RNF220: variants seen among roughly 807,000 people sequenced by gnomAD.
RNF220 encodes E3 ubiquitin-protein ligase RNF220.
Under a neutral mutation model 67.1 loss-of-function variants are expected in RNF220, and 7 were observed. That is an observed-to-expected ratio of 0.10 (90% CI 0.06 to 0.20). The LOEUF (loss-of-function observed/expected upper bound fraction) is 0.20. RNF220 is among the 10% of genes least tolerant of loss of function. The probability of loss-of-function intolerance (pLI) is 1.00; values close to 1 mark genes in which losing one functional copy is unlikely to be tolerated. For missense variants in RNF220, 565 were observed against 740.3 expected (o/e 0.76, Z 2.75); for synonymous variants, 270 against 283.2 (o/e 0.95, Z 0.47).
intron 2 of RNF220, among the ~76,000 whole-genome samples, chr1:44,605,613 A>G (rs1341998963): frequency 1.3e-5 from 2 of 152,242 alleles, no homozygotes; most frequent in Non-Finnish European, 2.9e-5. Flanking sequence ...GAATCATAAC[A>G]GGCAATAATG....
At chr1:44,534,971 T>C (rs1273736491) in intron 2 of RNF220, among the ~76,000 whole-genome samples, 2 of 152,156 alleles carry the variant, frequency 1.3e-5, no homozygotes, top group Admixed American at 6.6e-5. Flanking sequence ...AAGGGGGAGC[T>C]ATTGAGTTGT....
intron 2 of RNF220, among the ~76,000 whole-genome samples, chr1:44,505,619 G>A (rs913777151): frequency 1.3e-5 from 2 of 152,302 alleles, no homozygotes; most frequent in African/African-American, 4.8e-5. Context: ...TATTAGGAAC[G>A]GGTTAAGGTA....
chr1:44,576,626 T>C (rs1460729529), intron 2 of RNF220, among the ~76,000 whole-genome samples: 1 of 151,776 alleles, frequency 6.6e-6, no homozygotes, highest in Non-Finnish European at 1.5e-5. Context: ...ATTTGCCTTG[T>C]AAACAGCTGA....
At chr1:44,558,288 G>GC (rs1663278636) in intron 2 of RNF220, among the ~76,000 whole-genome samples, 1 of 152,164 alleles carries the variant, frequency 6.6e-6, no homozygotes, top group African/African-American at 2.4e-5. Context: ...AACATCTATG[G>GC]CCCAGCCCCC....
Position 44,465,129 on chromosome 1 carries a change from G to A in RNF220, c.625+52407G>A, listed in dbSNP as rs112351751. Reference sequence around the variant, plus strand: ...AGATGGGGTTTCAGTTCAAGTCTGCGTGACCTGAAAACCCATACTGTTTCT... The same window carrying A: ...AGATGGGGTTTCAGTTCAAGTCTGCATGACCTGAAAACCCATACTGTTTCT... On this transcript the variant is annotated intron_variant, in intron 2 of 14. Transcript: ENST00000361799. 2.5e-3 allele frequency among the ~76,000 whole-genome samples: 387 copies of A among 152,134 alleles called. 2 individuals are homozygous for A. The highest frequency in any genetic ancestry group is 8.5e-3 in the African/African-American group (354 of 41,486).
chr1:44,482,354 G>A (rs549716497), intron 2 of RNF220, among the ~76,000 whole-genome samples: 9 of 152,310 alleles, frequency 5.9e-5, no homozygotes, highest in African/African-American at 2.2e-4. Flanking sequence ...AGGAGGGGTG[G>A]AGGGCAGTTG....
chr1:44,458,880 A>G (rs777417913), intron 2 of RNF220, among the ~76,000 whole-genome samples: 1 of 152,244 alleles, frequency 6.6e-6, no homozygotes, highest in African/African-American at 2.4e-5. Context: ...TAACTGGAAC[A>G]TATTACAGCT....
At chr1:44,445,218 T>C (rs2147910727) in intron 2 of RNF220, among the ~76,000 whole-genome samples, 1 of 152,346 alleles carries the variant, frequency 6.6e-6, no homozygotes, top group South Asian at 2.1e-4. Context: ...TCTTTCCTAA[T>C]TTCTTCATGT....
At chr1:44,546,184 G>A (rs531558587) in intron 2 of RNF220, among the ~76,000 whole-genome samples, 62 of 152,242 alleles carry the variant, frequency 4.1e-4, no homozygotes. Flanking sequence ...CGTGGGAGGA[G>A]AAGCTGGCGA....
At chr1:44,439,816 T>A (rs565665768) in intron 2 of RNF220, among the ~76,000 whole-genome samples, 8 of 152,228 alleles carry the variant, frequency 5.3e-5, no homozygotes, top group Admixed American at 2.0e-4. Flanking sequence ...AGATGAGAGG[T>A]ACCAAGACCT....
chr1:44,625,187 T>G (rs1643904318), intron 4 of RNF220, among the ~76,000 whole-genome samples: 1 of 152,220 alleles, frequency 6.6e-6, no homozygotes, highest in Non-Finnish European at 1.5e-5. Flanking sequence ...CTTTCTGAGC[T>G]GAGGGCTGGG....
At chr1:44,444,369 CA>C (rs1465149116) in intron 2 of RNF220, among the ~76,000 whole-genome samples, 2 of 151,882 alleles carry the variant, frequency 1.3e-5, no homozygotes, top group Admixed American at 6.6e-5. Context: ...TTGTGAGATT[CA>C]TCCATATTAT....
At chr1:44,424,672 C>T (rs138855860) in intron 2 of RNF220, among the ~76,000 whole-genome samples, 70 of 152,332 alleles carry the variant, frequency 4.6e-4, no homozygotes, top group Middle Eastern at 3.4e-3. Context: ...TGGGGAGGAT[C>T]TGTCCACCTG....
At chr1:44,613,243 C>A (rs1281533642) in intron 2 of RNF220, among the ~76,000 whole-genome samples, 1 of 150,204 alleles carries the variant, frequency 6.7e-6, no homozygotes, top group Admixed American at 6.6e-5. Context: ...GCTCCTCAAC[C>A]CCACTCCTGT....
chr1:44,645,535 A>C lies in RNF220; in HGVS notation c.1445+47A>C. The C allele has an allele frequency of 6.3e-7, 1 of 1,584,252 alleles. No individual in the cohort carries two copies. The highest frequency in any genetic ancestry group is 8.6e-7 in the Non-Finnish European group (1 of 1,156,412). ...AGCCCTGGGACCACAGTTCAGTGGG[A>C]GGAGGGGCCCTTTGCTAGCAGGAAG... On this transcript the variant is annotated intron_variant, in intron 12 of 14. Transcript: ENST00000361799. This position sits in a 1 kb window ranked among gnomAD's most constrained non-coding sequence, Gnocchi z 5.0.
chr1:44,634,357 A>G (rs1644262081), intron 6 of RNF220, among the ~76,000 whole-genome samples: 1 of 152,238 alleles, frequency 6.6e-6, no homozygotes, highest in African/African-American at 2.4e-5. Context: ...GGATAATGCA[A>G]TCTAGCTTCA....
chr1:44,436,569 C>G (rs899324637), intron 2 of RNF220, among the ~76,000 whole-genome samples: 2 of 152,220 alleles, frequency 1.3e-5, no homozygotes, highest in Non-Finnish European at 1.5e-5. Context: ...GTTTCTGAGT[C>G]CTGAACCTTT....
chr1:44,594,445 C>A (rs904083785), intron 2 of RNF220, among the ~76,000 whole-genome samples: 4 of 152,210 alleles, frequency 2.6e-5, no homozygotes, highest in African/African-American at 9.6e-5. Context: ...AGAGACAGAA[C>A]TTTCCCCAAC....
intron 2 of RNF220, among the ~76,000 whole-genome samples, chr1:44,514,451 A>G (rs1215124449): frequency 6.6e-6 from 1 of 152,196 alleles, no homozygotes; most frequent in Non-Finnish European, 1.5e-5. Context: ...AAGCTAGAAT[A>G]TTAGGCATTC....
Sources: gnomAD v4.1 joint callset for allele counts (sites outside exome capture counted in the v4.1 genomes callset) on GRCh38, gnomAD v4.1.1 for gene constraint, Gnocchi (gnomAD v3.1) non-coding constraint, MANE v1.5 for transcripts, NCBI Gene and HGNC (gene_info 2026-07-23, HGNC 2026-07-21) for gene names.